The following MAST1 variants were observed in gnomAD, a reference collection of about 807,000 sequenced individuals.
MAST1 encodes the protein microtubule-associated serine/threonine-protein kinase 1.
Under a neutral mutation model 124.6 loss-of-function variants are expected in MAST1, and 40 were observed. That is an observed-to-expected ratio of 0.32 (90% CI 0.25 to 0.42). The LOEUF is 0.42. Among genes scored for constraint, MAST1 ranks in the 10% least tolerant of loss-of-function variants. The pLI is 1.00. For synonymous variants in MAST1, 938 were observed against 939.4 expected (o/e 1.00, Z 0.03); for missense variants, 1,558 against 2,181.9 (o/e 0.71, Z 5.70).
chr19:12,845,072 C>T (rs767142381), intron 4 of MAST1, among the ~76,000 whole-genome samples: 16 of 151,942 alleles, frequency 1.1e-4, no homozygotes, highest in Non-Finnish European at 2.2e-4. Context: ...GAGGCTGAAG[C>T]GGGTGGATCA....
In MAST1 at chr19:12,867,494, G is replaced by T. The variant is rs373002837; in HGVS notation, c.2160G>T (p.Gln720His). Residue 720 changes from glutamine to histidine, a missense_variant, in exon 19 of 26, where the codon CAG (glutamine) becomes CAT (histidine). Transcript: ENST00000251472. ...RFSKVYSSME[Q>H]LSQHEPKTPV... ...TACAGGTGTATAGCAGCATGGAGCA[G>T]CTGTCGCAGCACGAGCCCAAGACCC... The T allele has an allele frequency of 6.2e-7, 1 of 1,613,638 alleles. No homozygotes were observed. The highest frequency in any genetic ancestry group is 2.2e-5 in the East Asian group (1 of 44,880).
At chr19:12,873,228 G>T (rs1970260384) in intron 24 of MAST1, 96 bp from the exon 25 acceptor site, 4 of 1,212,416 alleles carry the variant, frequency 3.3e-6, no homozygotes, top group Non-Finnish European at 4.7e-6. Flanking sequence ...AGGGCCAGAA[G>T]GGGTGGGTGG....
intron 10 of MAST1, among the ~76,000 whole-genome samples, chr19:12,856,794 T>C (rs1970022805): frequency 1.3e-5 from 2 of 152,238 alleles, no homozygotes; most frequent in African/African-American, 4.8e-5. Context: ...TGGATTATTA[T>C]TTCCAATCTC....
Position 12,858,456 on chromosome 19 carries a change from G to T in MAST1, c.1157+15G>T, listed in dbSNP as rs1218314058. On this transcript the variant is annotated intron_variant, in intron 11 of 25. Coordinates refer to ENST00000251472, the MANE Select transcript of MAST1 (RefSeq NM_014975.3). ...GGTGCCTACGGGTGAGCCACCCGGG[G>T]CTCTGGCGGGGGGAGGGTGGCGGAG... The T allele has an allele frequency of 2.5e-6, 4 of 1,613,224 alleles. No homozygotes were observed. The highest frequency in any genetic ancestry group is 3.3e-5 in the Admixed American group (2 of 59,992).
At chr19:12,863,158 CAAAA>C (rs749539925) in intron 12 of MAST1, among the ~76,000 whole-genome samples, 7 of 44,118 alleles carry the variant, frequency 1.6e-4, no homozygotes, top group Non-Finnish European at 2.2e-4. Flanking sequence ...GACTCTGACT[CAAAA>C]AAAAAAAAAA....
At chr19:12,849,579 G>A (rs889855773) in intron 7 of MAST1, among the ~76,000 whole-genome samples, 3 of 151,820 alleles carry the variant, frequency 2.0e-5, no homozygotes, top group Admixed American at 1.3e-4. Context: ...CAGGAGAATC[G>A]CTTGAATCCG....
intron 22 of MAST1, among the ~76,000 whole-genome samples, chr19:12,869,986 C>A (rs532093115): frequency 6.7e-6 from 1 of 149,426 alleles, no homozygotes; most frequent in East Asian, 2.0e-4. Context: ...TCGAGACCAT[C>A]CTGGCTAACA....
chr19:12,872,092 A>G (rs948098583), intron 24 of MAST1, among the ~76,000 whole-genome samples: 6 of 152,052 alleles, frequency 3.9e-5, no homozygotes, highest in African/African-American at 1.4e-4. Context: ...GGTCCAGGAG[A>G]TGGTCCTATC....
At chr19:12,867,236 T>G (rs1252276144) in intron 18 of MAST1, among the ~76,000 whole-genome samples, 1 of 152,004 alleles carries the variant, frequency 6.6e-6, no homozygotes, top group Non-Finnish European at 1.5e-5. Flanking sequence ...TGGGGCTGTG[T>G]AGAGAGCAGA....
At chr19:12,858,321 A>C in intron 10 of MAST1, 41 bp from the exon 11 acceptor site, 1 of 1,508,906 alleles carries the variant, frequency 6.6e-7, no homozygotes. Flanking sequence ...TCCTGCTCTC[A>C]TGATGATGAT....
In MAST1 at chr19:12,856,634, C is replaced by T. The variant is rs577128602; in HGVS notation, c.1078-1728C>T. Among the ~76,000 whole-genome samples, 4 of 152,220 alleles carry T rather than the reference C, an allele frequency of 2.6e-5. No individual in the cohort carries two copies. In the East Asian group the frequency reaches 5.8e-4, roughly 22 times the overall value. On this transcript the variant is annotated intron_variant, in intron 10 of 25. Coordinates refer to ENST00000251472, the MANE Select transcript of MAST1 (RefSeq NM_014975.3). The stretch of plus-strand genomic sequence containing the variant: ...CCACATTTTTTTGCACATAAACGTA[C>T]AATACATATTGCCTATTGCATTTTT...
chr19:12,868,102 G>GA (rs1970181454), intron 20 of MAST1, 125 bp downstream of exon 20: 1 of 539,202 alleles, frequency 1.9e-6, no homozygotes, highest in African/African-American at 3.3e-5. Context: ...TGCAATTTGG[G>GA]ATTTTTTTTT....
intron 22 of MAST1, among the ~76,000 whole-genome samples, 161 bp from the exon 23 acceptor site, chr19:12,870,663 C>CAAAA (rs35890154): frequency 7.8e-6 from 1 of 128,918 alleles, no homozygotes; most frequent in Non-Finnish European, 1.6e-5. Context: ...AGACTCCGTC[C>CAAAA]AAAAAAAAAA....
Position 12,868,727 on chromosome 19 carries a change from T to C in MAST1, c.2651T>C (p.Leu884Pro). The change falls in exon 21 of 26, where the codon CTG becomes CCG. Residue 884 changes from leucine to proline, a missense_variant. Leu to Pro is a moderately conservative substitution (Grantham distance 98). Coordinates refer to ENST00000251472, the MANE Select transcript of MAST1 (RefSeq NM_014975.3). ...SGPRATNDLV[L>P]RRARHQQMSG... ...CCAAGGGCTACCAATGACTTGGTTC[T>C]GCGCCGGGCGCGGCACCAGCAGATG... is the stretch of plus-strand genomic sequence containing the variant. 2 of 1,613,316 alleles carry C rather than the reference T, an allele frequency of 1.2e-6. No homozygotes were observed. Among genetic ancestry groups the C allele is most frequent in the Non-Finnish European group, 1.7e-6 (2 of 1,179,496 alleles).
In MAST1 at chr19:12,838,796, G is replaced by C. The variant is rs1599573872; in HGVS notation, c.83+141G>C. ...GCCCCAGCTGCGCCTTCCCGCCGGG[G>C]TTGGGGTTGAATGGGGGGTGGTGTG... On this transcript the variant is annotated intron_variant, in intron 1 of 25. Transcript: ENST00000251472. The surrounding 1 kb of genome is among the most constrained non-coding windows in gnomAD (Gnocchi z 4.3). 3 of 728,872 alleles carry C rather than the reference G, an allele frequency of 4.1e-6. No individual in the cohort carries two copies. The East Asian group carries it at 1.0e-4, about 25-fold the overall frequency. 45.2% of individuals were successfully genotyped at this position (728,872 alleles called of 1,614,324 possible).
intron 10 of MAST1, among the ~76,000 whole-genome samples, chr19:12,857,781 T>A (rs1349243359): frequency 1.3e-5 from 2 of 152,224 alleles, no homozygotes; most frequent in Non-Finnish European, 2.9e-5. Context: ...TAGTCCCTAC[T>A]CTTTGGGAGG....
At chr19:12,863,941 T>G (rs1364592433) in intron 12 of MAST1, among the ~76,000 whole-genome samples, 1 of 151,302 alleles carries the variant, frequency 6.6e-6, no homozygotes, top group Non-Finnish European at 1.5e-5. Flanking sequence ...TTTTTTTTTT[T>G]TGAGACGGAG....
At position 12,847,651 on chromosome 19, in the gene MAST1, G is replaced by A; in HGVS notation, c.528G>A (p.Val176=). 1 of 1,614,102 alleles carries A rather than the reference G, an allele frequency of 6.2e-7. No individual in the cohort carries two copies. The highest frequency in any genetic ancestry group is 1.3e-5 in the African/African-American group (1 of 75,032). The change falls in exon 6 of 26, where the codon GTG becomes GTA. Residue 176 remains valine (V), a synonymous_variant. Transcript: ENST00000251472. The surrounding 1 kb of genome is among the most constrained non-coding windows in gnomAD (Gnocchi z 5.5). ...RSPSSYDNEI[V]MMNHVYKERF... is the part of the protein sequence containing the mutation. ...CCTCCTCCTACGACAACGAGATCGT[G>A]ATGATGAATCACGTCTACAAGGAGA... is the stretch of plus-strand genomic sequence containing the variant.
chr19:12,864,672 A>G, intron 12 of MAST1, 137 bp from the exon 13 acceptor site: 1 of 1,119,950 alleles, frequency 8.9e-7, no homozygotes, highest in South Asian at 1.5e-5. Flanking sequence ...ACCTGGAGGG[A>G]GGGAGGCCCC....
Sources: gnomAD v4.1 joint callset for allele counts (sites outside exome capture counted in the v4.1 genomes callset) on GRCh38, gnomAD v4.1.1 for gene constraint, Gnocchi (gnomAD v3.1) non-coding constraint, MANE v1.5 for transcripts, NCBI Gene and HGNC (gene_info 2026-07-23, HGNC 2026-07-21) for gene names.